The following CLIP1 variants were observed in gnomAD, a reference collection of about 807,000 sequenced individuals.
CLIP1 encodes the protein CAP-Gly domain-containing linker protein 1.
A neutral mutation model predicts 161.6 loss-of-function variants in CLIP1; 66 were observed. The observed-to-expected ratio is 0.41, with a 90% CI of 0.33 to 0.50. The LOEUF (loss-of-function observed/expected upper bound fraction) is 0.50. Ranked by LOEUF, CLIP1 falls within the 20% of genes least tolerant of loss-of-function variation. CLIP1 has a pLI of 0.27. For synonymous variants in CLIP1, 598 were observed against 626.2 expected, an observed-to-expected ratio of 0.96 and a Z score of 0.67; for missense variants, 1,376 against 1,702.0, an observed-to-expected ratio of 0.81 and a Z score of 3.37.
intron 20 of CLIP1, among the ~76,000 whole-genome samples, chr12:122,299,622 A>AAAAAAAAAAAAAAAAAAAAAT: frequency 6.7e-6 from 1 of 149,012 alleles, no homozygotes; most frequent in African/African-American, 2.5e-5. Context: ...CAAAAAAAAA[A>AAAAAAAAAAAAAAAAAAAAAT]AAAAAAAAAA....
chr12:122,333,200 C>CT, intron 14 of CLIP1, 57 bp from the exon 15 acceptor site: 1 of 1,290,752 alleles, frequency 7.7e-7, no homozygotes, highest in Non-Finnish European at 1.1e-6. Flanking sequence ...CAAAAACTGA[C>CT]TGAGTGTATT....
At chr12:122,367,763 A>C (rs1182828364) in intron 3 of CLIP1, among the ~76,000 whole-genome samples, 4 of 152,248 alleles carry the variant, frequency 2.6e-5, no homozygotes, top group Non-Finnish European at 5.9e-5. Context: ...TCATGCCTGT[A>C]ATCCCACCAT....
rs190610719 is a variant in CLIP1, at chr12:122,288,884, C to T, written c.3595-343G>A. Reference sequence around the variant, plus strand: ...AGGCTGGAGTGCAGTGGCGTGATCTCGGCTCACTGCAAGCTCCGCCTCCCG... The same window carrying T: ...AGGCTGGAGTGCAGTGGCGTGATCTTGGCTCACTGCAAGCTCCGCCTCCCG... On this transcript the variant is annotated intron_variant, in intron 20 of 25. Transcript: ENST00000620786. Among the ~76,000 whole-genome samples, 1,313 of 143,634 alleles carry T rather than the reference C, an allele frequency of 9.1e-3. 23 individuals carry two copies. The highest frequency in any genetic ancestry group is 0.033 in the African/African-American group (1,250 of 37,736). 94.2% of individuals were successfully genotyped at this position (143,634 alleles called of 152,430 possible).
chr12:122,339,496 C>A (rs968485336), intron 11 of CLIP1, among the ~76,000 whole-genome samples: 7 of 152,106 alleles, frequency 4.6e-5, no homozygotes, highest in Admixed American at 1.3e-4. Context: ...CACCACCACA[C>A]CTGGCTAATT....
At chr12:122,331,885 C>G (rs1447225952) in intron 15 of CLIP1, among the ~76,000 whole-genome samples, 1 of 151,896 alleles carries the variant, frequency 6.6e-6, no homozygotes, top group Non-Finnish European at 1.5e-5. Context: ...GTCCCAGCTA[C>G]TAGGGAGGCT....
intron 1 of CLIP1, among the ~76,000 whole-genome samples, chr12:122,413,463 A>C (rs576004564): frequency 6.6e-6 from 1 of 152,334 alleles, no homozygotes; most frequent in African/African-American, 2.4e-5. Context: ...AGGACTCGGC[A>C]ATTTTAAGTG....
chr12:122,273,826 G>T (rs1207931689), intron 25 of CLIP1, among the ~76,000 whole-genome samples: 1 of 151,778 alleles, frequency 6.6e-6, no homozygotes, highest in East Asian at 1.9e-4. Flanking sequence ...CCAGCTCCAA[G>T]GCTCAAGTAG....
rs1376961675 is a variant in CLIP1, at chr12:122,311,772, T to C, written c.3474-1890A>G. On this transcript the variant is annotated intron_variant, in intron 19 of 25. Transcript: ENST00000620786. This position sits in a 1 kb window ranked among gnomAD's most constrained non-coding sequence, Gnocchi z 4.3. ...AAATGCTTCCATGTCCATTTTCTCA[T>C]TTAATCCTCAAAGCCCAAGGAGGCT... Among the ~76,000 whole-genome samples, 2 of 152,172 alleles carry C rather than the reference T, an allele frequency of 1.3e-5. No individual in the cohort carries two copies. The highest frequency in any genetic ancestry group is 2.9e-5 in the Non-Finnish European group (2 of 68,032).
chr12:122,328,014 G>A lies in CLIP1; in HGVS notation c.3182C>T (p.Ala1061Val). The A allele has an allele frequency of 6.2e-7, 1 of 1,614,124 alleles. No homozygotes were observed. Among genetic ancestry groups the A allele is most frequent in the Non-Finnish European group, 8.5e-7 (1 of 1,180,028 alleles). ...CAGCAAGCCACTGTTCTCCTCCCGT[G>A]CGCCCTTCAGCTTGTCCTCTGTGTC... ...LLDTEDKLKG[A>V]REENSGLLQE... is the part of the protein sequence containing the mutation. Residue 1061 changes from alanine to valine, a missense_variant, in exon 17 of 26, where the codon GCA (alanine) becomes GTA (valine). Around this residue, in one of 6 missense-constraint regions of CLIP1, gnomAD observed 948 missense variants for 1,134.8 expected, o/e 0.84. Transcript: ENST00000620786.
At chr12:122,358,186 A>G (rs920971704) in intron 5 of CLIP1, among the ~76,000 whole-genome samples, 5 of 151,580 alleles carry the variant, frequency 3.3e-5, no homozygotes, top group Non-Finnish European at 1.5e-5. Context: ...ACTCAGGGTT[A>G]AATGGATTAA....
chr12:122,329,412 C>T (rs961646937), intron 15 of CLIP1, among the ~76,000 whole-genome samples: 3 of 151,682 alleles, frequency 2.0e-5, no homozygotes, highest in African/African-American at 7.3e-5. Context: ...GGGCGGATCA[C>T]GAGGTTAGGA....
intron 1 of CLIP1, among the ~76,000 whole-genome samples, chr12:122,420,713 A>G (rs1394555925): frequency 6.6e-6 from 1 of 152,112 alleles, no homozygotes; most frequent in Non-Finnish European, 1.5e-5. Context: ...AAGCAGGTGG[A>G]TGACTTGAGC....
At chr12:122,309,306 T>C (rs1950984665) in intron 20 of CLIP1, among the ~76,000 whole-genome samples, 1 of 152,226 alleles carries the variant, frequency 6.6e-6, no homozygotes, top group Non-Finnish European at 1.5e-5. Context: ...TGTTTTTTAA[T>C]TTAAACAAAA....
intron 3 of CLIP1, chr12:122,365,338 G>A: frequency 1.1e-6 from 1 of 950,696 alleles, no homozygotes; most frequent in Non-Finnish European, 1.7e-6. Flanking sequence ...CATGGCAAAA[G>A]TGGAAGTCTA....
chr12:122,322,879 C>T (rs536782354), intron 17 of CLIP1: 41 of 152,728 alleles, frequency 2.7e-4, no homozygotes, highest in Admixed American at 9.2e-4. Context: ...CCTTTGCTTG[C>T]AATATGTGAG....
rs11058063 is a variant in CLIP1 at position 122,420,953 on chromosome 12, T to G, written c.-107+1568A>C. ...CCCTCTCATTGATTGATTGATTGAT[T>G]GATGGATGGATAGACAGACAGACAG... On this transcript the variant is annotated intron_variant, in intron 1 of 25. Transcript: ENST00000620786. 9.6e-3 allele frequency among the ~76,000 whole-genome samples: 1,448 copies of G among 151,342 alleles called. 20 individuals are homozygous for G. Among genetic ancestry groups the G allele is most frequent in the African/African-American group, 0.032 (1,302 of 41,276 alleles).
chr12:122,320,581 G>A (rs1007728217), intron 17 of CLIP1, among the ~76,000 whole-genome samples: 5 of 151,890 alleles, frequency 3.3e-5, no homozygotes, highest in African/African-American at 9.7e-5. Flanking sequence ...AAGCTTAGCC[G>A]GGTGTGGCAG....
Position 122,311,429 on chromosome 12 carries a change from A to AT in CLIP1, c.3474-1548dup, listed in dbSNP as rs1315276456. ...TAAAAACAAAATTATTATTATTATTATTTTTTTTTTTTTGAGACAGAGTCT... is the reference window on the plus strand; with the variant it reads ...TAAAAACAAAATTATTATTATTATTATTTTTTTTTTTTTTGAGACAGAGTCT... On this transcript the variant is annotated intron_variant, in intron 19 of 25. Transcript: ENST00000620786. The surrounding 1 kb of genome is among the most constrained non-coding windows in gnomAD (Gnocchi z 4.3). 7.8e-4 allele frequency among the ~76,000 whole-genome samples: 117 copies of AT among 150,124 alleles called. 2 individuals carry two copies. Among genetic ancestry groups the AT allele is most frequent in the African/African-American group, 1.1e-3 (44 of 40,602 alleles).
intron 20 of CLIP1, among the ~76,000 whole-genome samples, chr12:122,299,139 T>C (rs768797836): frequency 6.6e-6 from 1 of 152,152 alleles, no homozygotes; most frequent in Non-Finnish European, 1.5e-5. Flanking sequence ...GTATCTTTAG[T>C]GCAGCCGAAG....
Sources: gnomAD v4.1 joint callset for allele counts (sites outside exome capture counted in the v4.1 genomes callset) on GRCh38, gnomAD v4.1.1 for gene constraint, gnomAD v4.1.1 regional missense constraint, Gnocchi (gnomAD v3.1) non-coding constraint, MANE v1.5 for transcripts, NCBI Gene and HGNC (gene_info 2026-07-23, HGNC 2026-07-21) for gene names.